The following EVI5 variants were observed in gnomAD, a reference collection of about 807,000 sequenced individuals.
The protein encoded by EVI5 is ecotropic viral integration site 5, also known as ecotropic viral integration site 5 protein homolog.
EVI5 carries 73 observed loss-of-function variants against 112.0 expected under a neutral mutation model. The observed-to-expected ratio is 0.65, with a 90% CI of 0.54 to 0.79. The LOEUF (loss-of-function observed/expected upper bound fraction) is 0.79, where lower values mean the gene tolerates loss of function less well. EVI5 is among the 30% of genes least tolerant of loss of function. The pLI, the probability that EVI5 is intolerant of heterozygous loss-of-function variation, is 0.00. For synonymous variants in EVI5, 305 were observed against 319.9 expected, an observed-to-expected ratio of 0.95 and a Z score of 0.50; for missense variants, 900 against 968.8, an observed-to-expected ratio of 0.93 and a Z score of 0.94.
chr1:92,602,661 C>T (rs1156751847), intron 18 of EVI5, among the ~76,000 whole-genome samples: 1 of 152,128 alleles, frequency 6.6e-6, no homozygotes, highest in South Asian at 2.1e-4. Context: ...CTGACCTTGG[C>T]CTCTCAAAGC....
At chr1:92,692,250 C>T (rs1275026746) in intron 9 of EVI5, among the ~76,000 whole-genome samples, 1 of 152,144 alleles carries the variant, frequency 6.6e-6, no homozygotes, top group African/African-American at 2.4e-5. Context: ...ATGACAAGAT[C>T]TATGCAAGGA....
intron 2 of EVI5, chr1:92,714,215 T>A: frequency 1.3e-6 from 1 of 778,824 alleles, no homozygotes; most frequent in Non-Finnish European, 1.6e-6. Context: ...ATAGCCGCAG[T>A]AAAACTATGA....
intron 1 of EVI5, among the ~76,000 whole-genome samples, chr1:92,783,213 T>A (rs2103115044): frequency 6.6e-6 from 1 of 152,164 alleles, no homozygotes; most frequent in Non-Finnish European, 1.5e-5. Context: ...AAATCGTAGT[T>A]ATCATTTTAG....
intron 14 of EVI5, among the ~76,000 whole-genome samples, chr1:92,635,931 C>T (rs1259462840): frequency 2.0e-5 from 3 of 152,184 alleles, no homozygotes; most frequent in Admixed American, 6.5e-5. Context: ...CATTTAGATA[C>T]TCTTTTTATG....
chr1:92,635,026 A>AT (rs901639484), intron 14 of EVI5, among the ~76,000 whole-genome samples: 2 of 152,094 alleles, frequency 1.3e-5, no homozygotes, highest in Admixed American at 1.3e-4. Flanking sequence ...TTGCTGCCTG[A>AT]TCGTTCCTCT....
chr1:92,723,629 T>C (rs186208192), intron 2 of EVI5, among the ~76,000 whole-genome samples: 82 of 152,270 alleles, frequency 5.4e-4, no homozygotes, highest in Admixed American at 3.4e-3. Flanking sequence ...ATTGTACAAA[T>C]TGATTGTAAA....
At position 92,513,642 on chromosome 1, in the gene EVI5, G is replaced by C; in HGVS notation, c.*14C>G. On this transcript the variant is annotated 3_prime_UTR_variant, in exon 20 of 20. Coordinates refer to ENST00000684568, the MANE Select transcript of EVI5 (RefSeq NM_001350197.2). The stretch of plus-strand genomic sequence containing the variant: ...ATCCCTTAAATAAATCCATAGTCTA[G>C]GTCACAGTGATGGTCAGACAGTGGT... The C allele has an allele frequency of 6.4e-7, 1 of 1,566,036 alleles. No homozygotes were observed. Among genetic ancestry groups the C allele is most frequent in the Non-Finnish European group, 8.7e-7 (1 of 1,153,194 alleles).
At chr1:92,540,372 A>T (rs1051927637) in intron 19 of EVI5, among the ~76,000 whole-genome samples, 1 of 152,150 alleles carries the variant, frequency 6.6e-6, no homozygotes, top group African/African-American at 2.4e-5. Context: ...TATTATAGCC[A>T]TCCTAGTAAG....
intron 18 of EVI5, among the ~76,000 whole-genome samples, chr1:92,587,361 A>G (rs1157626347): frequency 2.0e-5 from 3 of 147,328 alleles, no homozygotes; most frequent in Non-Finnish European, 4.5e-5. Context: ...CTCAAAACGA[A>G]AGCCATAAAC....
chr1:92,651,590 G>A (rs548989103), intron 13 of EVI5, among the ~76,000 whole-genome samples: 23 of 152,216 alleles, frequency 1.5e-4, no homozygotes, highest in South Asian at 6.2e-4. Context: ...AGTGGCTCAC[G>A]CCTGTAATCC....
Position 92,526,978 on chromosome 1 carries a change from A to G in EVI5, c.2167-13008T>C, listed in dbSNP as rs573648486. Reference sequence around the variant, plus strand: ...CATACGGTAACTCTCTTAATTTTCCACTTAATTTTTAATTATTCTGTAACT... The same window carrying G: ...CATACGGTAACTCTCTTAATTTTCCGCTTAATTTTTAATTATTCTGTAACT... On this transcript the variant is annotated intron_variant, in intron 19 of 19. Transcript: ENST00000684568. 2.9e-3 allele frequency among the ~76,000 whole-genome samples: 448 copies of G among 152,274 alleles called. 7 individuals carry two copies. The South Asian group carries it at 0.035, about 12-fold the overall frequency.
intron 6 of EVI5, 135 bp from the exon 7 acceptor site, chr1:92,695,588 T>G: frequency 2.1e-6 from 1 of 486,022 alleles, no homozygotes; most frequent in East Asian, 3.4e-5. Context: ...ACATAGACAT[T>G]GAAACATCTG....
At chr1:92,739,674 C>G (rs1034297170) in intron 1 of EVI5, among the ~76,000 whole-genome samples, 4 of 151,992 alleles carry the variant, frequency 2.6e-5, no homozygotes, top group African/African-American at 9.7e-5. Flanking sequence ...CCATGAGAAA[C>G]AGACATGATT....
intron 16 of EVI5, among the ~76,000 whole-genome samples, chr1:92,621,753 T>C (rs1654646621): frequency 6.6e-6 from 1 of 152,228 alleles, no homozygotes; most frequent in African/African-American, 2.4e-5. Flanking sequence ...TACCCATCTA[T>C]ATGTTGTTTA....
Position 92,636,327 on chromosome 1 carries a change from T to C in EVI5, c.1402A>G (p.Ser468Gly), listed in dbSNP as rs761154221. 4.3e-6 allele frequency: 7 copies of C among 1,613,416 alleles called. No individual in the cohort carries two copies. The African/African-American group carries it at 6.7e-5, about 15-fold the overall frequency. ...LQHQQQWHKCSSNYNEDFVLQ... is the reference protein window; with the variant it reads ...LQHQQQWHKCGSNYNEDFVLQ... ...ACAAAATCTTCGTTGTAGTTGGAAC[T>C]GCATTTATGCTAAAGGTTACAGACA... The change falls in exon 14 of 20, where the codon AGT becomes GGT. Residue 468 changes from serine to glycine, a missense_variant. Physicochemically the swap from Ser to Gly is moderately conservative, Grantham distance 56 (BLOSUM62 0). Coordinates refer to ENST00000684568, the MANE Select transcript of EVI5 (RefSeq NM_001350197.2).
chr1:92,544,179 GC>G (rs1665297387), intron 19 of EVI5, among the ~76,000 whole-genome samples: 1 of 152,164 alleles, frequency 6.6e-6, no homozygotes, highest in African/African-American at 2.4e-5. Context: ...GGGGAATAAG[GC>G]TTGGAGAGAA....
chr1:92,731,942 T>A (rs891738310), intron 2 of EVI5: 1 of 152,254 alleles, frequency 6.6e-6, no homozygotes, highest in African/African-American at 2.4e-5. Flanking sequence ...TAATCTTGGA[T>A]CACCGAAAGC....
At chr1:92,520,017 T>C (rs1308999466) in intron 19 of EVI5, among the ~76,000 whole-genome samples, 1 of 151,720 alleles carries the variant, frequency 6.6e-6, no homozygotes, top group Admixed American at 6.6e-5. Flanking sequence ...AGAAAGTAGA[T>C]TAGTGGCTGC....
intron 18 of EVI5, among the ~76,000 whole-genome samples, chr1:92,579,339 T>C (rs1304931201): frequency 1.3e-5 from 2 of 152,138 alleles, no homozygotes; most frequent in African/African-American, 2.4e-5. Flanking sequence ...TGTATTCAAA[T>C]TTAATAAGAG....
Sources: allele counts gnomAD v4.1 joint callset (sites outside exome capture counted in the v4.1 genomes callset), GRCh38; gene constraint gnomAD v4.1.1; transcripts MANE v1.5; gene names NCBI Gene and HGNC (gene_info 2026-07-23, HGNC 2026-07-21).